The following SPPL3 variants were observed in gnomAD, a reference collection of about 807,000 sequenced individuals.
SPPL3 encodes the protein signal peptide peptidase-like 3.
In SPPL3, 5 loss-of-function variants were observed where a neutral mutation model predicts 42.4. The observed-to-expected ratio is 0.12, with a 90% CI of 0.06 to 0.25. The LOEUF (loss-of-function observed/expected upper bound fraction) is 0.25, where lower values mean the gene tolerates loss of function less well. Ranked by LOEUF, SPPL3 falls within the 10% of genes least tolerant of loss-of-function variation. SPPL3 has a pLI of 1.00. For synonymous variants in SPPL3, 195 were observed against 181.8 expected, an observed-to-expected ratio of 1.07 and a Z score of -0.58; for missense variants, 235 against 489.0, an observed-to-expected ratio of 0.48 and a Z score of 4.90.
intron 2 of SPPL3, among the ~76,000 whole-genome samples, chr12:120,796,943 G>A (rs989261009): frequency 1.3e-5 from 2 of 152,098 alleles, no homozygotes; most frequent in East Asian, 1.9e-4. Context: ...AGGCTGAGGC[G>A]GGCGAATCAC....
rs386377942 is a variant in SPPL3 at position 120,763,816 on chromosome 12, T to TTTTC, written c.*1179_*1182dup. On this transcript the variant is annotated 3_prime_UTR_variant, in exon 11 of 11. Transcript: ENST00000353487. ...ATTGTGTTGCTTTTTTCCTTTTTTT[T>TTTTC]TTTCTTAAAGGAGTGAGGGCATGGA... 1.3e-5 allele frequency: 2 copies of TTTTC among 150,444 alleles called. No homozygotes were observed. The highest frequency in any genetic ancestry group is 4.9e-5 in the African/African-American group (2 of 40,792). 9.3% of individuals were successfully genotyped at this position (150,444 alleles called of 1,614,324 possible). A position where few individuals can be genotyped will look rare whatever the true frequency, so the allele number is the denominator to read the frequency against.
At chr12:120,828,924 TTTTTTA>T (rs931301818) in intron 1 of SPPL3, among the ~76,000 whole-genome samples, 6 of 151,766 alleles carry the variant, frequency 4.0e-5, no homozygotes, top group African/African-American at 1.2e-4. Context: ...TCCGGCTAAG[TTTTTTA>T]TTTTTATTTC....
At chr12:120,865,472 A>T (rs1161244578) in intron 1 of SPPL3, among the ~76,000 whole-genome samples, 1 of 152,240 alleles carries the variant, frequency 6.6e-6, no homozygotes, top group Admixed American at 6.5e-5. Flanking sequence ...CAAAATGAGT[A>T]CAATAGTATC....
intron 1 of SPPL3, among the ~76,000 whole-genome samples, chr12:120,825,827 T>C (rs1194647310): frequency 6.6e-6 from 1 of 152,216 alleles, no homozygotes; most frequent in Non-Finnish European, 1.5e-5. Flanking sequence ...GGAGACCAAG[T>C]AAGATTCTTA....
intron 1 of SPPL3, among the ~76,000 whole-genome samples, chr12:120,869,540 C>T (rs1042540264): frequency 1.3e-5 from 2 of 152,168 alleles, no homozygotes; most frequent in African/African-American, 4.8e-5. Context: ...TACTATGGTG[C>T]CAAACAAAAA....
At chr12:120,768,223 C>T in intron 8 of SPPL3, 102 bp downstream of exon 8, 1 of 1,400,422 alleles carries the variant, frequency 7.1e-7, no homozygotes. Context: ...GATAATGGCC[C>T]CAGGTTGGGA....
At chr12:120,833,398 A>G (rs1186168885) in intron 1 of SPPL3, among the ~76,000 whole-genome samples, 2 of 152,220 alleles carry the variant, frequency 1.3e-5, no homozygotes, top group Non-Finnish European at 2.9e-5. Context: ...TATTCTAGGA[A>G]GAACGTCTGA....
intron 2 of SPPL3, among the ~76,000 whole-genome samples, chr12:120,798,839 G>A (rs1870194876): frequency 6.6e-6 from 1 of 152,036 alleles, no homozygotes; most frequent in Non-Finnish European, 1.5e-5. Flanking sequence ...GCATTATATC[G>A]CTATTCTGGA....
intron 6 of SPPL3, among the ~76,000 whole-genome samples, chr12:120,778,477 C>A (rs1417142948): frequency 6.6e-6 from 1 of 152,052 alleles, no homozygotes; most frequent in African/African-American, 2.4e-5. Flanking sequence ...TTCCCACATG[C>A]ATTTACAGAG....
rs191498752 is a variant in SPPL3 at position 120,778,334 on chromosome 12, C to T, written c.502+4321G>A. ...GTTTCACCATGTTGGCCAGGCTGGT[C>T]TCGAACTCCTGACCTCAGGTGATGC... On this transcript the variant is annotated intron_variant, in intron 6 of 10. Coordinates refer to ENST00000353487, the MANE Select transcript of SPPL3 (RefSeq NM_139015.5). 3.0e-4 allele frequency among the ~76,000 whole-genome samples: 46 copies of T among 152,108 alleles called. 1 individual carries two copies. In the East Asian group the frequency reaches 8.9e-3, roughly 29 times the overall value.
chr12:120,871,837 C>T (rs953883041), intron 1 of SPPL3, among the ~76,000 whole-genome samples: 1 of 152,130 alleles, frequency 6.6e-6, no homozygotes, highest in Non-Finnish European at 1.5e-5. Context: ...CTCTACATTA[C>T]TTATAATAGC....
intron 3 of SPPL3, among the ~76,000 whole-genome samples, chr12:120,787,028 G>A (rs1869744350): frequency 6.6e-6 from 1 of 152,122 alleles, no homozygotes; most frequent in Non-Finnish European, 1.5e-5. Flanking sequence ...CATGGCTACA[G>A]GCTAAATGTA....
intron 1 of SPPL3, among the ~76,000 whole-genome samples, chr12:120,861,568 T>C (rs1872619130): frequency 2.0e-5 from 3 of 152,204 alleles, no homozygotes; most frequent in Admixed American, 6.5e-5. Context: ...TCAACTACAA[T>C]GCCCTGAAGA....
intron 6 of SPPL3, among the ~76,000 whole-genome samples, chr12:120,772,790 T>C (rs1290556760): frequency 6.6e-6 from 1 of 151,718 alleles, no homozygotes; most frequent in Non-Finnish European, 1.5e-5. Flanking sequence ...CTCAGAGGAG[T>C]TGGAAAGACA....
chr12:120,814,163 C>G (rs1348041578), intron 1 of SPPL3, among the ~76,000 whole-genome samples: 3 of 152,192 alleles, frequency 2.0e-5, no homozygotes, highest in Non-Finnish European at 2.9e-5. Context: ...CTCTTCCCCC[C>G]ACACCAGGCT....
At chr12:120,859,432 T>C (rs1299800920) in intron 1 of SPPL3, among the ~76,000 whole-genome samples, 1 of 152,204 alleles carries the variant, frequency 6.6e-6, no homozygotes, top group Non-Finnish European at 1.5e-5. Context: ...ATGTAAATCG[T>C]CTTTTCAAGC....
At position 120,893,860 on chromosome 12, in the gene SPPL3, C is replaced by A. The variant is rs1475438379; in HGVS notation, c.23+9985G>T. ...CCATTTTTTCCTCTCCATACTCTTA[C>A]CTTTTGGTTAATTGTTCTTACCTCA... On this transcript the variant is annotated intron_variant, in intron 1 of 10. Transcript: ENST00000353487. Among the ~76,000 whole-genome samples, 5 of 152,166 alleles carry A rather than the reference C, an allele frequency of 3.3e-5. 1 individual carries two copies. Among genetic ancestry groups the A allele is most frequent in the Admixed American group, 3.3e-4 (5 of 15,266 alleles).
intron 1 of SPPL3, among the ~76,000 whole-genome samples, chr12:120,857,620 T>A (rs897932348): frequency 6.6e-6 from 1 of 152,204 alleles, no homozygotes; most frequent in Non-Finnish European, 1.5e-5. Context: ...GTGGTACATA[T>A]ACACTACTAT....
chr12:120,860,764 C>T (rs534368727), intron 1 of SPPL3, among the ~76,000 whole-genome samples: 3 of 152,192 alleles, frequency 2.0e-5, no homozygotes, highest in South Asian at 4.1e-4. Context: ...AAGTAGAAGG[C>T]GGCAAACTTT....
Sources: gnomAD v4.1 joint callset for allele counts (sites outside exome capture counted in the v4.1 genomes callset) on GRCh38, gnomAD v4.1.1 for gene constraint, MANE v1.5 for transcripts, NCBI Gene and HGNC (gene_info 2026-07-23, HGNC 2026-07-21) for gene names.